The following HSP90B1 variants were observed in gnomAD, a reference collection of about 807,000 sequenced individuals.
HSP90B1 encodes heat shock protein 90 beta family member 1, also known as endoplasmin.
A neutral mutation model predicts 100.4 loss-of-function variants in HSP90B1; 27 were observed. The observed-to-expected ratio is 0.27, with a 90% CI of 0.20 to 0.37. The LOEUF is 0.37. HSP90B1 is among the 10% of genes least tolerant of loss of function. HSP90B1 has a pLI of 1.00. For missense variants in HSP90B1, 678 were observed against 960.5 expected (o/e 0.71, Z 3.89); for synonymous variants, 304 against 330.8 (o/e 0.92, Z 0.88).
At chr12:103,936,019 TA>T (rs1267573613) in intron 5 of HSP90B1, among the ~76,000 whole-genome samples, 2 of 152,240 alleles carry the variant, frequency 1.3e-5, no homozygotes, top group East Asian at 3.8e-4. Context: ...CATATCTTTT[TA>T]AAAATTTCCT....
chr12:103,937,124 G>A (rs371436795), intron 5 of HSP90B1, among the ~76,000 whole-genome samples: 4 of 152,266 alleles, frequency 2.6e-5, no homozygotes, highest in East Asian at 3.9e-4. Context: ...CCATTTTGGC[G>A]ATCACCAGCC....
In HSP90B1 at chr12:103,934,182, CA is replaced by C; in HGVS notation, c.642del (p.Lys214AsnfsTer19). 1.2e-6 allele frequency: 2 copies of C among 1,614,164 alleles called. No individual in the cohort carries two copies. The highest frequency in any genetic ancestry group is 1.7e-6 in the Non-Finnish European group (2 of 1,179,986). ...GTAGCAGATAAGGTTATTGTCACTT[CA>C]AAACACAACAACGATACCCAGCACA... is the stretch of plus-strand genomic sequence containing the variant. ...FLVADKVIVT[S>X]KHNNDTQHIW... On this transcript the variant is annotated frameshift_variant, in exon 5 of 18. Coordinates refer to ENST00000299767, the MANE Select transcript of HSP90B1 (RefSeq NM_003299.3). LOFTEE classifies it high-confidence loss of function.
intron 4 of HSP90B1, among the ~76,000 whole-genome samples, chr12:103,933,161 AC>A (rs74375989): frequency 0.1 from 15,792 of 152,268 alleles, 1,139 homozygotes; most frequent in East Asian, 0.27. Context: ...ATTATCTGTG[AC>A]TGCTTCTGTG....
At position 103,930,688 on chromosome 12, in the gene HSP90B1, A is replaced by G; in HGVS notation, c.49+124A>G. 1.3e-6 allele frequency: 1 copy of G among 797,336 alleles called. No individual in the cohort carries two copies. Among genetic ancestry groups the G allele is most frequent in the Non-Finnish European group, 2.0e-6 (1 of 504,884 alleles). The allele number at this position is 797,336 out of a possible 1,614,324, so 49.4% of individuals were successfully genotyped here. On this transcript the variant is annotated intron_variant, in intron 1 of 17. Coordinates refer to ENST00000299767, the MANE Select transcript of HSP90B1 (RefSeq NM_003299.3). The surrounding 1 kb of genome is among the most constrained non-coding windows in gnomAD (Gnocchi z 4.4). ...CTGCGGTGGGCCAAGGGACGTCACCATTCCTCGAAAGAGGGCAAGGGAATT... is the reference window on the plus strand; with the variant it reads ...CTGCGGTGGGCCAAGGGACGTCACCGTTCCTCGAAAGAGGGCAAGGGAATT...
chr12:103,942,388 T>A, intron 11 of HSP90B1, 139 bp from the exon 12 acceptor site: 1 of 723,056 alleles, frequency 1.4e-6, no homozygotes, highest in Non-Finnish European at 2.3e-6. Context: ...TGAATTGGAG[T>A]GCTTCACCAT....
intron 5 of HSP90B1, 135 bp from the exon 6 acceptor site, chr12:103,937,560 G>C (rs1445260680): frequency 1.6e-6 from 1 of 628,902 alleles, no homozygotes; most frequent in East Asian, 3.0e-5. Flanking sequence ...CCTTGTTGGT[G>C]ATGGAGAGTT....
chr12:103,946,532 T>A (rs1870238887), intron 14 of HSP90B1, 86 bp from the exon 15 acceptor site: 2 of 944,802 alleles, frequency 2.1e-6, no homozygotes, highest in South Asian at 2.9e-5. Context: ...CAAGAGTTGT[T>A]CTGTGTAATT....
chr12:103,931,121 A>G (rs1869742821), intron 1 of HSP90B1, among the ~76,000 whole-genome samples: 2 of 152,190 alleles, frequency 1.3e-5, no homozygotes, highest in Admixed American at 6.5e-5. Flanking sequence ...CCCTCGCCAG[A>G]GGTTGCATAA....
intron 14 of HSP90B1, among the ~76,000 whole-genome samples, chr12:103,945,169 G>T (rs998815181): frequency 5.3e-5 from 8 of 152,162 alleles, no homozygotes; most frequent in Non-Finnish European, 1.0e-4. Context: ...TCAAAGCCAG[G>T]CATGGTGACT....
In HSP90B1 at chr12:103,938,330, A is replaced by G; in HGVS notation, c.856-10A>G. 1 of 1,535,500 alleles carries G rather than the reference A, an allele frequency of 6.5e-7. No individual in the cohort carries two copies. Among genetic ancestry groups the G allele is most frequent in the South Asian group, 1.2e-5 (1 of 80,798 alleles). ...AAATGAGTTTAACCATAATTCTCTT[A>G]TTTCAACAGACTGAAACTGTTGAGG... On this transcript the variant is annotated splice_polypyrimidine_tract_variant and intron_variant, in intron 6 of 17. Transcript: ENST00000299767.
chr12:103,930,442 A>G lies in HSP90B1; in HGVS notation c.-74A>G, dbSNP rs755406544. On this transcript the variant is annotated 5_prime_UTR_variant, in exon 1 of 18. Transcript: ENST00000299767. This position sits in a 1 kb window ranked among gnomAD's most constrained non-coding sequence, Gnocchi z 4.4. Reference sequence around the variant, plus strand: ...GGACCGCGCGGCTGGAGGTGTGAGGATCCGAACCCAGGGGTGGGGGGTGGA... The same window carrying G: ...GGACCGCGCGGCTGGAGGTGTGAGGGTCCGAACCCAGGGGTGGGGGGTGGA... 9 of 1,445,822 alleles carry G rather than the reference A, an allele frequency of 6.2e-6. No individual in the cohort carries two copies. The highest frequency in any genetic ancestry group is 2.6e-5 in the East Asian group (1 of 38,974). 89.6% of individuals were successfully genotyped at this position (1,445,822 alleles called of 1,614,324 possible).
In HSP90B1 at chr12:103,938,418, G is replaced by T; in HGVS notation, c.934G>T (p.Val312Leu). The T allele has an allele frequency of 6.3e-7, 1 of 1,599,332 alleles. No individual in the cohort carries two copies. Among genetic ancestry groups the T allele is most frequent in the Non-Finnish European group, 8.6e-7 (1 of 1,168,104 alleles). ...EKEESDDEAA[V>L]EEEEEEKKPK... The stretch of plus-strand genomic sequence containing the variant: ...AGAAGAATCTGATGATGAAGCTGCA[G>T]TAGAGGAAGAAGAAGAAGAAAAGAA... Residue 312 changes from valine (V) to leucine (L), a missense_variant, in exon 7 of 18, where the codon GTA becomes TTA. Physicochemically the swap from Val to Leu is conservative, Grantham distance 32. Around this residue, in one of 8 missense-constraint regions of HSP90B1, gnomAD observed 238 missense variants for 346.7 expected, o/e 0.69. Transcript: ENST00000299767.
chr12:103,933,164 G>A (rs1210210541), intron 4 of HSP90B1, among the ~76,000 whole-genome samples: 5 of 152,200 alleles, frequency 3.3e-5, no homozygotes, highest in African/African-American at 1.2e-4. Flanking sequence ...ATCTGTGACT[G>A]CTTCTGTGCT....
At position 103,943,886 on chromosome 12, in the gene HSP90B1, C is replaced by T. The variant is rs544753605; in HGVS notation, c.2027+12C>T. The T allele has an allele frequency of 2.0e-5, 32 of 1,610,244 alleles. No individual in the cohort carries two copies. The South Asian group carries it at 2.9e-4, about 14-fold the overall frequency. ...GACATCTCTACAAAGTAAGCATCCTCGGGAAAGTCCCTGCCAGGGCGTTGC... is the reference window on the plus strand; with the variant it reads ...GACATCTCTACAAAGTAAGCATCCTTGGGAAAGTCCCTGCCAGGGCGTTGC... On this transcript the variant is annotated intron_variant, in intron 14 of 17. Coordinates refer to ENST00000299767, the MANE Select transcript of HSP90B1 (RefSeq NM_003299.3). The surrounding 1 kb of genome is among the most constrained non-coding windows in gnomAD (Gnocchi z 5.3).
intron 8 of HSP90B1, among the ~76,000 whole-genome samples, chr12:103,941,126 C>T (rs1219006306): frequency 6.6e-6 from 1 of 152,144 alleles, no homozygotes; most frequent in Non-Finnish European, 1.5e-5. Flanking sequence ...GAAGTATAAA[C>T]TCATCCTTCC....
chr12:103,940,904 T>C (rs891440619), intron 8 of HSP90B1, among the ~76,000 whole-genome samples: 1 of 152,230 alleles, frequency 6.6e-6, no homozygotes, highest in Non-Finnish European at 1.5e-5. Context: ...TTAACAGCCA[T>C]ATACAGTAAT....
intron 6 of HSP90B1, 162 bp from the exon 7 acceptor site, chr12:103,938,178 A>G: frequency 1.7e-6 from 1 of 574,996 alleles, no homozygotes; most frequent in Non-Finnish European, 2.9e-6. Flanking sequence ...CTCAAAAAAA[A>G]AAAAAAAGAA....
At position 103,938,361 on chromosome 12, in the gene HSP90B1, A is replaced by G. The variant is rs144242572; in HGVS notation, c.877A>G (p.Met293Val). The G allele has an allele frequency of 1.4e-3, 2,200 of 1,560,870 alleles. 1 individual carries two copies. The highest frequency in any genetic ancestry group is 1.7e-3 in the Non-Finnish European group (1,951 of 1,149,020). The change falls in exon 7 of 18, where the codon ATG becomes GTG. Residue 293 changes from methionine to valine, a missense_variant. Transcript: ENST00000299767. ...ACAGACTGAAACTGTTGAGGAGCCC[A>G]TGGAGGAAGAAGAAGCAGCCAAAGA... ...SSKTETVEEP[M>V]EEEEAAKEEK...
At chr12:103,938,275 A>G (rs896267796) in intron 6 of HSP90B1, 65 bp from the exon 7 acceptor site, 1 of 1,436,396 alleles carries the variant, frequency 7.0e-7, no homozygotes, top group Non-Finnish European at 9.4e-7. Context: ...GTTATATCAT[A>G]TTCTGTAGAC....
Sources: allele counts gnomAD v4.1 joint callset (sites outside exome capture counted in the v4.1 genomes callset), GRCh38; gene constraint gnomAD v4.1.1; regional missense constraint gnomAD v4.1.1; non-coding constraint Gnocchi (gnomAD v3.1); transcripts MANE v1.5; gene names NCBI Gene and HGNC (gene_info 2026-07-23, HGNC 2026-07-21).